NTM: variants seen among roughly 807,000 people sequenced by gnomAD.
NTM encodes neurotrimin, also known as IgLON family member 2.
NTM carries 13 observed loss-of-function variants against 42.1 expected under a neutral mutation model. That is an observed-to-expected ratio of 0.31 (90% confidence interval 0.20 to 0.49). NTM has a LOEUF of 0.49. NTM is among the 20% of genes least tolerant of loss of function. The pLI, the probability that NTM is intolerant of heterozygous loss-of-function variation, is 0.99. For missense variants in NTM, 373 were observed against 452.8 expected (o/e 0.82, Z 1.60); for synonymous variants, 187 against 179.2 (o/e 1.04, Z -0.35).
intron 1 of NTM, among the ~76,000 whole-genome samples, chr11:131,480,594 G>A (rs1029457113): frequency 6.6e-6 from 1 of 152,122 alleles, no homozygotes; most frequent in Non-Finnish European, 1.5e-5. Context: ...AAATAGGGGT[G>A]GTTTAAAATA....
At chr11:132,027,330 G>A (rs1337700660) in intron 2 of NTM, among the ~76,000 whole-genome samples, 1 of 152,124 alleles carries the variant, frequency 6.6e-6, no homozygotes, top group South Asian at 2.1e-4. Flanking sequence ...AATAAAAATG[G>A]GGAAATAACG....
At chr11:132,170,480 G>T (rs2137825862) in intron 3 of NTM, among the ~76,000 whole-genome samples, 1 of 152,202 alleles carries the variant, frequency 6.6e-6, no homozygotes, top group Admixed American at 6.5e-5. Context: ...TCTACCTCTT[G>T]GTTACTTCTT....
intron 4 of NTM, among the ~76,000 whole-genome samples, chr11:132,246,074 G>C (rs1206420389): frequency 6.6e-6 from 1 of 152,214 alleles, no homozygotes; most frequent in East Asian, 1.9e-4. Flanking sequence ...AGAAAGTGGA[G>C]TCTCCTTGCC....
At chr11:131,465,426 T>C (rs750043395) in intron 1 of NTM, among the ~76,000 whole-genome samples, 2 of 152,088 alleles carry the variant, frequency 1.3e-5, no homozygotes, top group African/African-American at 2.4e-5. Context: ...AAACTAGAAG[T>C]ACTAGACTGG....
intron 4 of NTM, among the ~76,000 whole-genome samples, chr11:132,282,540 G>A (rs1591720854): frequency 2.0e-5 from 3 of 152,102 alleles, no homozygotes; most frequent in South Asian, 2.1e-4. Context: ...TACGCTCCCC[G>A]AGTAGCTTGT....
chr11:131,688,280 C>T (rs1423067644), intron 1 of NTM, among the ~76,000 whole-genome samples: 1 of 152,218 alleles, frequency 6.6e-6, no homozygotes, highest in Non-Finnish European at 1.5e-5. Flanking sequence ...GGGAAAGCAG[C>T]TTGCCCGTCC....
intron 4 of NTM, among the ~76,000 whole-genome samples, chr11:132,252,071 C>G (rs1431116917): frequency 6.6e-6 from 1 of 152,154 alleles, no homozygotes; most frequent in Non-Finnish European, 1.5e-5. Context: ...TGGAGCACTC[C>G]CTGCCATAAG....
intron 1 of NTM, among the ~76,000 whole-genome samples, chr11:131,878,585 AAAAAAAAAAATATATATATATAT>A (rs1249163608): frequency 1.9e-5 from 1 of 52,908 alleles, no homozygotes; most frequent in African/African-American, 8.5e-5. Context: ...AAAAAAAAAA[AAAAAAAAAAATATATATATATAT>A]ATATATATAT....
intron 4 of NTM, among the ~76,000 whole-genome samples, chr11:132,302,169 T>C (rs1011263345): frequency 1.3e-5 from 2 of 152,312 alleles, no homozygotes; most frequent in East Asian, 3.9e-4. Flanking sequence ...CCAGCTTGCT[T>C]CATTTCCCTG....
intron 1 of NTM, among the ~76,000 whole-genome samples, chr11:131,743,909 G>A (rs751354942): frequency 2.6e-4 from 40 of 152,162 alleles, no homozygotes; most frequent in Non-Finnish European, 5.4e-4. Flanking sequence ...TGGACCAAAT[G>A]TATACTTTGT....
chr11:131,690,909 C>T (rs956487577), intron 1 of NTM, among the ~76,000 whole-genome samples: 2 of 152,104 alleles, frequency 1.3e-5, no homozygotes, highest in African/African-American at 4.8e-5. Flanking sequence ...TGTCAAGGGG[C>T]GGGTGGAAGT....
At chr11:131,684,515 T>C (rs1475074122) in intron 1 of NTM, among the ~76,000 whole-genome samples, 2 of 152,220 alleles carry the variant, frequency 1.3e-5, no homozygotes, top group Non-Finnish European at 2.9e-5. Flanking sequence ...GGGAGGAGCA[T>C]GCCCTTGGAC....
intron 1 of NTM, among the ~76,000 whole-genome samples, chr11:131,903,539 T>C (rs1376170747): frequency 6.6e-6 from 1 of 152,210 alleles, no homozygotes; most frequent in East Asian, 1.9e-4. Context: ...AGCTCATTAA[T>C]TACTTTGTAC....
intron 1 of NTM, among the ~76,000 whole-genome samples, chr11:131,493,130 G>A (rs977580581): frequency 6.6e-6 from 1 of 152,098 alleles, no homozygotes; most frequent in African/African-American, 2.4e-5. Flanking sequence ...GGGCTGGGGT[G>A]GGGGTGCTCA....
At chr11:131,440,615 A>C (rs1949533521) in intron 1 of NTM, among the ~76,000 whole-genome samples, 1 of 151,926 alleles carries the variant, frequency 6.6e-6, no homozygotes, top group South Asian at 2.1e-4. Context: ...ATCTCTAACA[A>C]GTTCCTGGGT....
At chr11:131,861,824 T>C (rs892458435) in intron 1 of NTM, among the ~76,000 whole-genome samples, 2 of 152,150 alleles carry the variant, frequency 1.3e-5, no homozygotes, top group Non-Finnish European at 2.9e-5. Context: ...CAGAACATTG[T>C]CATAGGCAGT....
chr11:131,907,665 G>A (rs941853927), intron 1 of NTM, among the ~76,000 whole-genome samples: 5 of 152,200 alleles, frequency 3.3e-5, no homozygotes, highest in Admixed American at 6.5e-5. Flanking sequence ...GAAAGAGGGT[G>A]GAGGTGGGCG....
chr11:131,756,265 G>C (rs772697685), intron 1 of NTM, among the ~76,000 whole-genome samples: 7 of 152,288 alleles, frequency 4.6e-5, no homozygotes, highest in Non-Finnish European at 1.0e-4. Context: ...AGGTACTCCA[G>C]ACAAATTGGA....
At chr11:132,228,031 CA>C (rs1482741198) in intron 4 of NTM, among the ~76,000 whole-genome samples, 2 of 151,918 alleles carry the variant, frequency 1.3e-5, no homozygotes, top group African/African-American at 4.8e-5. Flanking sequence ...TATCTTTTTT[CA>C]AAAAAGATGC....
Sources: allele counts gnomAD v4.1 joint callset (sites outside exome capture counted in the v4.1 genomes callset), GRCh38; gene constraint gnomAD v4.1.1; transcripts MANE v1.5; gene names NCBI Gene and HGNC (gene_info 2026-07-23, HGNC 2026-07-21).